ABCC2: variants seen among roughly 807,000 people sequenced by gnomAD.
ABCC2 encodes the protein ATP-binding cassette sub-family C member 2.
In ABCC2, 157 loss-of-function variants were observed where a neutral mutation model predicts 173.4. That is an observed-to-expected ratio of 0.91 (90% CI 0.80 to 1.03). ABCC2 has a LOEUF of 1.03. ABCC2 is among the 50% of genes least tolerant of loss of function. The pLI, the probability that ABCC2 is intolerant of heterozygous loss-of-function variation, is 0.00. For synonymous variants in ABCC2, 657 were observed against 693.5 expected (o/e 0.95, Z 0.83); for missense variants, 1,822 against 1,852.3 (o/e 0.98, Z 0.30).
At chr10:99,800,994 T>C (rs2038007142) in intron 9 of ABCC2, among the ~76,000 whole-genome samples, 2 of 152,162 alleles carry the variant, frequency 1.3e-5, no homozygotes, top group Non-Finnish European at 2.9e-5. Flanking sequence ...AGAGACCTGG[T>C]GTATCCATCT....
intron 26 of ABCC2, 143 bp downstream of exon 26, chr10:99,842,236 T>G: frequency 8.5e-7 from 1 of 1,181,952 alleles, no homozygotes; most frequent in Non-Finnish European, 1.2e-6. Context: ...CCTGGCTCCA[T>G]CTTTTACCCA....
chr10:99,811,788 A>G (rs141626548), intron 15 of ABCC2, among the ~76,000 whole-genome samples, 186 bp downstream of exon 15: 3 of 152,316 alleles, frequency 2.0e-5, no homozygotes, highest in Non-Finnish European at 4.4e-5. Flanking sequence ...CCTTCCCCTG[A>G]TAACTGCATT....
At chr10:99,785,622 T>A (rs989016176) in intron 2 of ABCC2, among the ~76,000 whole-genome samples, 4 of 152,104 alleles carry the variant, frequency 2.6e-5, no homozygotes, top group Non-Finnish European at 5.9e-5. Flanking sequence ...GTTCAAGCAA[T>A]TCTTATGCCT....
chr10:99,843,853 A>G lies in ABCC2; in HGVS notation c.3796A>G (p.Ile1266Val), dbSNP rs148292402. The change falls in exon 27 of 32, where the codon ATT (isoleucine) becomes GTT (valine). Residue 1266 changes from isoleucine to valine, a missense_variant. Transcript: ENST00000647814. Reference sequence around the variant, plus strand: ...GATGACATCAGAAATAGAGACCAACATTGTGGCTGTTGAGCGAATAACTGA... The same window carrying G: ...GATGACATCAGAAATAGAGACCAACGTTGTGGCTGTTGAGCGAATAACTGA... The part of the protein sequence containing the change: ...VRMTSEIETN[I>V]VAVERITEYT... 217 of 1,614,100 alleles carry G rather than the reference A, an allele frequency of 1.3e-4. No individual in the cohort carries two copies. The highest frequency in any genetic ancestry group is 1.8e-4 in the Non-Finnish European group (208 of 1,180,036).
At chr10:99,792,134 A>T in intron 2 of ABCC2, 100 bp from the exon 3 acceptor site, 1 of 1,428,308 alleles carries the variant, frequency 7.0e-7, no homozygotes, top group Non-Finnish European at 9.8e-7. Context: ...TATCTGAATC[A>T]CTGCATACCG....
At chr10:99,840,369 G>A (rs2038916510) in intron 25 of ABCC2, among the ~76,000 whole-genome samples, 6 of 144,936 alleles carry the variant, frequency 4.1e-5, no homozygotes, top group South Asian at 2.2e-4. Context: ...CAGCGCAGCC[G>A]CGCCAACCAC....
intron 19 of ABCC2, among the ~76,000 whole-genome samples, chr10:99,823,216 T>G (rs1313418436): frequency 6.6e-6 from 1 of 152,174 alleles, no homozygotes; most frequent in Non-Finnish European, 1.5e-5. Context: ...TGTTTCCATG[T>G]GACATCAAAT....
chr10:99,793,917 C>G lies in ABCC2; in HGVS notation c.494C>G (p.Ser165Cys). ...GGTGACAATTCTAATCTAGCCTACT[C>G]CTGCCTGTTCTTCATCTCCTACGGA... is the stretch of plus-strand genomic sequence containing the variant. ...LQGDNSNLAY[S>C]CLFFISYGFQ... Residue 165 changes from serine (S) to cysteine (C), a missense_variant, in exon 5 of 32, where the codon TCC (serine) becomes TGC (cysteine). Transcript: ENST00000647814. 6.2e-7 allele frequency: 1 copy of G among 1,613,958 alleles called. No individual in the cohort carries two copies. The highest frequency in any genetic ancestry group is 8.5e-7 in the Non-Finnish European group (1 of 1,179,904).
At chr10:99,800,613 T>C in intron 9 of ABCC2, 50 bp downstream of exon 9, 1 of 1,595,032 alleles carries the variant, frequency 6.3e-7, no homozygotes, top group Non-Finnish European at 8.6e-7. Context: ...TCAGTAAATA[T>C]GAGCATTGAT....
intron 2 of ABCC2, among the ~76,000 whole-genome samples, chr10:99,787,082 C>T (rs2037724698): frequency 6.6e-6 from 1 of 150,752 alleles, no homozygotes; most frequent in African/African-American, 2.4e-5. Flanking sequence ...GCATAAGGAT[C>T]ACTTGAACCC....
In ABCC2 at chr10:99,813,144, G is replaced by A. The variant is rs2038246316; in HGVS notation, c.2094G>A (p.Lys698=). The change falls in exon 16 of 32, where the codon AAG becomes AAA. Residue 698 remains lysine (K), a splice_region_variant and synonymous_variant. Coordinates refer to ENST00000647814, the MANE Select transcript of ABCC2 (RefSeq NM_000392.5). The part of the protein sequence containing the change: ...MENVHGHITI[K]GTTAYVPQQS... ...ATGTCCACGGGCACATCACCATCAA[G>A]GTGAGAGGGAATGCCAATGCAAAAG... 3 of 1,613,512 alleles carry A rather than the reference G, an allele frequency of 1.9e-6. No homozygotes were observed. The highest frequency in any genetic ancestry group is 2.2e-5 in the East Asian group (1 of 44,852).
At position 99,831,603 on chromosome 10, in the gene ABCC2, CTTTGCAGGTGAAGT is replaced by C; in HGVS notation, c.2884-6_2891del. 6.2e-7 allele frequency: 1 copy of C among 1,612,938 alleles called. No homozygotes were observed. The highest frequency in any genetic ancestry group is 8.5e-7 in the Non-Finnish European group (1 of 1,178,928). On this transcript the variant is annotated splice_acceptor_variant and splice_polypyrimidine_tract_variant and coding_sequence_variant and intron_variant, in exon 22 of 32. Coordinates refer to ENST00000647814, the MANE Select transcript of ABCC2 (RefSeq NM_000392.5). LOFTEE classifies it high-confidence loss of function. The stretch of plus-strand genomic sequence containing the variant: ...AGTTCTACTAATATTGAGGTGGGGA[CTTTGCAGGTGAAGT>C]TCTCCATCTACCTGGAGTACCTACA...
chr10:99,807,426 G>A lies in ABCC2; in HGVS notation c.1573G>A (p.Val525Ile), dbSNP rs145924141. 11 of 1,613,952 alleles carry A rather than the reference G, an allele frequency of 6.8e-6. 1 individual carries two copies. In the South Asian group the frequency reaches 1.2e-4, roughly 18 times the overall value. Residue 525 changes from valine to isoleucine, a missense_variant, in exon 12 of 32, where the codon GTA becomes ATA. Transcript: ENST00000647814. Reference protein sequence around the residue: ...FAWEPSFRDQVQNLRKKELKN... With the variant: ...FAWEPSFRDQIQNLRKKELKN... The stretch of plus-strand genomic sequence containing the variant: ...CTGGGAACCTTCATTCAGAGACCAA[G>A]TACAAAACCTCCGGAAGAAAGAGCT...
chr10:99,817,062 A>G (rs977959489), intron 16 of ABCC2, among the ~76,000 whole-genome samples: 1 of 152,190 alleles, frequency 6.6e-6, no homozygotes, highest in Non-Finnish European at 1.5e-5. Flanking sequence ...TCTAATTTTC[A>G]GGATCATGGC....
At position 99,847,289 on chromosome 10, in the gene ABCC2, A is replaced by G. The variant is rs568170938; in HGVS notation, c.4313+162A>G. On this transcript the variant is annotated intron_variant, in intron 30 of 31. Transcript: ENST00000647814. Reference sequence around the variant, plus strand: ...TTGTAAAGTTCACAAGATAAAATAGATGTGAAAGTGCTTTAAAACTCTTGA... The same window carrying G: ...TTGTAAAGTTCACAAGATAAAATAGGTGTGAAAGTGCTTTAAAACTCTTGA... 9.3e-4 allele frequency among the ~76,000 whole-genome samples: 142 copies of G among 152,350 alleles called. 1 individual carries two copies. Among genetic ancestry groups the G allele is most frequent in the African/African-American group, 2.8e-3 (115 of 41,588 alleles).
At chr10:99,811,941 G>A (rs889507536) in intron 15 of ABCC2, among the ~76,000 whole-genome samples, 4 of 152,210 alleles carry the variant, frequency 2.6e-5, no homozygotes, top group South Asian at 2.1e-4. Context: ...ACAAACCCAA[G>A]AACCTGAATT....
At chr10:99,799,467 A>G in intron 8 of ABCC2, 97 bp downstream of exon 8, 1 of 1,415,594 alleles carries the variant, frequency 7.1e-7, no homozygotes, top group East Asian at 2.3e-5. Flanking sequence ...TTAAATTCCC[A>G]TTTTTTAAAA....
chr10:99,845,179 G>A (rs12240781), intron 28 of ABCC2, among the ~76,000 whole-genome samples: 12,186 of 151,984 alleles, frequency 0.08, 768 homozygotes, highest in African/African-American at 0.17. Context: ...ACAGGTGCAC[G>A]CCACCATGTC....
chr10:99,794,188 G>A (rs1429725393), intron 5 of ABCC2, among the ~76,000 whole-genome samples, 189 bp downstream of exon 5: 1 of 152,096 alleles, frequency 6.6e-6, no homozygotes, highest in South Asian at 2.1e-4. Flanking sequence ...CCTACCAATT[G>A]TCAGTGTAAT....
Sources: allele counts gnomAD v4.1 joint callset (sites outside exome capture counted in the v4.1 genomes callset), GRCh38; gene constraint gnomAD v4.1.1; transcripts MANE v1.5; gene names NCBI Gene and HGNC (gene_info 2026-07-23, HGNC 2026-07-21).